CRLF3: variants seen among roughly 807,000 people sequenced by gnomAD.
CRLF3 encodes the protein cytokine receptor like factor 3, also known as cytokine receptor-like factor 3.
CRLF3 carries 33 observed loss-of-function variants against 55.0 expected under a neutral mutation model. That is an observed-to-expected ratio of 0.60 (90% CI 0.46 to 0.80). CRLF3 has a LOEUF of 0.80. Among genes scored for constraint, CRLF3 ranks in the 30% least tolerant of loss-of-function variants. The pLI is 0.00. For synonymous variants in CRLF3, 238 were observed against 196.8 expected, an observed-to-expected ratio of 1.21 and a Z score of -1.75; for missense variants, 494 against 538.4, an observed-to-expected ratio of 0.92 and a Z score of 0.82.
intron 7 of CRLF3, chr17:30,785,263 G>A (rs1005736128): frequency 6.6e-6 from 1 of 151,502 alleles, no homozygotes; most frequent in Non-Finnish European, 1.5e-5. Flanking sequence ...TTTTAGTAGA[G>A]ACAGGGTTTC....
rs868857381 is a variant in CRLF3, at chr17:30,793,748, C to G, written c.604-76G>C. 4 of 1,044,036 alleles carry G rather than the reference C, an allele frequency of 3.8e-6. No individual in the cohort carries two copies. The African/African-American group carries it at 4.8e-5, about 12-fold the overall frequency. The allele number at this position is 1,044,036 out of a possible 1,614,324, so 64.7% of individuals were successfully genotyped here. ...AGCATCACTGCTTAAAAATTTTGAA[C>G]GGAGCCATTTTGGACCAAGCAGACA... On this transcript the variant is annotated intron_variant, in intron 4 of 7. Transcript: ENST00000324238.
At chr17:30,785,403 G>A (rs1205595128) in intron 7 of CRLF3, among the ~76,000 whole-genome samples, 1 of 151,936 alleles carries the variant, frequency 6.6e-6, no homozygotes, top group Admixed American at 6.6e-5. Flanking sequence ...AAGAGCACTA[G>A]GGATGTAGAC....
Position 30,793,595 on chromosome 17 carries a change from A to G in CRLF3, c.681T>C (p.Tyr227=), listed in dbSNP as rs373252185. The change falls in exon 5 of 8, where the codon TAT becomes TAC. Residue 227 remains tyrosine (Y), a synonymous_variant. Transcript: ENST00000324238. ...CTATGAATTCAGTTTCAGAACCTAC[A>G]TATACATCCTCAAAATGATTTGAAG... is the stretch of plus-strand genomic sequence containing the variant. ...KCTSNHFEDV[Y]VGSETEFIVL... is the part of the protein sequence containing the mutation. 1.1e-5 allele frequency: 18 copies of G among 1,613,966 alleles called. No individual in the cohort carries two copies. Among genetic ancestry groups the G allele is most frequent in the Non-Finnish European group, 1.4e-5 (16 of 1,179,982 alleles).
At chr17:30,820,886 CTAAAAAAAAT>C (rs1388226975) in intron 1 of CRLF3, among the ~76,000 whole-genome samples, 8 of 146,140 alleles carry the variant, frequency 5.5e-5, no homozygotes, top group African/African-American at 2.0e-4. Context: ...ATCATCTCTA[CTAAAAAAAAT>C]TAAACAAAAT....
intron 4 of CRLF3, among the ~76,000 whole-genome samples, chr17:30,794,577 C>G (rs113264962): frequency 3.9e-5 from 6 of 152,244 alleles, no homozygotes; most frequent in African/African-American, 1.4e-4. Flanking sequence ...GCGGGTGGAG[C>G]ACTTGAGCCC....
chr17:30,789,546 A>G (rs1971739003), intron 6 of CRLF3, among the ~76,000 whole-genome samples: 1 of 152,206 alleles, frequency 6.6e-6, no homozygotes, highest in Admixed American at 6.6e-5. Flanking sequence ...ATGAAAAAGA[A>G]GCAATACAGA....
rs138764983 is a variant in CRLF3, at chr17:30,816,138, C to T, written c.129+8385G>A. Among the ~76,000 whole-genome samples the T allele has an allele frequency of 8.7e-3, 1,323 of 151,488 alleles. 22 individuals are homozygous for T. The highest frequency in any genetic ancestry group is 0.03 in the African/African-American group (1,245 of 41,324). On this transcript the variant is annotated intron_variant, in intron 1 of 7. Transcript: ENST00000324238. ...CTGTACTAAAAATAGAAAAACTAGC[C>T]GGGCATGGTGGCATGCACCTGTAGT...
intron 2 of CRLF3, among the ~76,000 whole-genome samples, chr17:30,800,747 C>T (rs2142259876): frequency 6.7e-6 from 1 of 150,292 alleles, no homozygotes; most frequent in East Asian, 1.9e-4. Context: ...GTTGGGACAA[C>T]TTGTGTGTGC....
chr17:30,802,797 G>A (rs554534422), intron 2 of CRLF3, among the ~76,000 whole-genome samples: 1 of 152,194 alleles, frequency 6.6e-6, no homozygotes, highest in South Asian at 2.1e-4. Flanking sequence ...GAAGGCAGCA[G>A]GGCATGACTC....
chr17:30,794,766 C>T (rs1567661737), intron 4 of CRLF3, among the ~76,000 whole-genome samples: 1 of 152,096 alleles, frequency 6.6e-6, no homozygotes, highest in East Asian at 1.9e-4. Context: ...TGTACTCCAG[C>T]CTGGGTGACA....
intron 1 of CRLF3, among the ~76,000 whole-genome samples, chr17:30,821,054 C>CAA (rs534072435): frequency 1.5e-5 from 2 of 131,742 alleles, no homozygotes; most frequent in Admixed American, 7.9e-5. Flanking sequence ...GACTCTGGCT[C>CAA]AAAAAAAAAA....
intron 2 of CRLF3, among the ~76,000 whole-genome samples, chr17:30,798,149 G>A (rs969425646): frequency 3.3e-5 from 5 of 152,102 alleles, no homozygotes; most frequent in African/African-American, 1.2e-4. Flanking sequence ...GGAGGCGGAG[G>A]CAGGTGGATC....
chr17:30,794,026 G>C (rs1246740584), intron 4 of CRLF3, among the ~76,000 whole-genome samples: 1 of 151,974 alleles, frequency 6.6e-6, no homozygotes, highest in Non-Finnish European at 1.5e-5. Context: ...TTTTTGTAGA[G>C]ACTGGGCTTC....
intron 4 of CRLF3, among the ~76,000 whole-genome samples, chr17:30,795,624 G>A (rs539074104): frequency 2.7e-4 from 41 of 151,696 alleles, no homozygotes; most frequent in African/African-American, 9.2e-4. Flanking sequence ...CAGCCTGGGC[G>A]ACACAGCAAG....
chr17:30,794,154 A>G (rs1391134576), intron 4 of CRLF3, among the ~76,000 whole-genome samples: 1 of 152,032 alleles, frequency 6.6e-6, no homozygotes, highest in Non-Finnish European at 1.5e-5. Context: ...TCTTTATTGA[A>G]CCATGTGTTC....
At chr17:30,799,391 A>T (rs1448894238) in intron 2 of CRLF3, among the ~76,000 whole-genome samples, 2 of 151,998 alleles carry the variant, frequency 1.3e-5, no homozygotes, top group Admixed American at 1.3e-4. Flanking sequence ...ACAGAGTCTC[A>T]CTCTGTCACC....
At chr17:30,804,616 T>C (rs1904333960) in intron 1 of CRLF3, among the ~76,000 whole-genome samples, 1 of 152,196 alleles carries the variant, frequency 6.6e-6, no homozygotes, top group African/African-American at 2.4e-5. Context: ...TCACTTAGCA[T>C]AGTGTCCTTC....
At chr17:30,812,712 T>TCA (rs1456390465) in intron 1 of CRLF3, among the ~76,000 whole-genome samples, 1 of 152,100 alleles carries the variant, frequency 6.6e-6, no homozygotes, top group Non-Finnish European at 1.5e-5. Flanking sequence ...AGCAATGCAG[T>TCA]CACACGTGCA....
Position 30,784,450 on chromosome 17 carries a change from TGTTAAG to T in CRLF3, c.1073-13_1073-8del. The T allele has an allele frequency of 6.2e-7, 1 of 1,608,740 alleles. No individual in the cohort carries two copies. The highest frequency in any genetic ancestry group is 8.5e-7 in the Non-Finnish European group (1 of 1,175,462). ...CCATTGACAAAAACTGCACCTAAAA[TGTTAAG>T]GTAAAGAGTCATTTACATGTGAGCA... On this transcript the variant is annotated splice_region_variant and splice_polypyrimidine_tract_variant and intron_variant, in intron 7 of 7. Transcript: ENST00000324238.
Sources: allele counts gnomAD v4.1 joint callset (sites outside exome capture counted in the v4.1 genomes callset), GRCh38; gene constraint gnomAD v4.1.1; transcripts MANE v1.5; gene names NCBI Gene and HGNC (gene_info 2026-07-23, HGNC 2026-07-21).